The following PPP3R1 variants were observed in gnomAD, a reference collection of about 807,000 sequenced individuals.
PPP3R1 encodes protein phosphatase 3 regulatory subunit B, alpha.
Under a neutral mutation model 22.6 loss-of-function variants are expected in PPP3R1, and 5 were observed. The ratio of observed to expected loss-of-function variants is 0.22; its 90% CI spans 0.12 to 0.46. The LOEUF is 0.46. Ranked by LOEUF, PPP3R1 falls within the 20% of genes least tolerant of loss-of-function variation. PPP3R1 has a pLI of 0.99. For synonymous variants in PPP3R1, 56 were observed against 65.2 expected (o/e 0.86, Z 0.68); for missense variants, 61 against 203.2 (o/e 0.30, Z 4.25).
rs1195194632 is a variant in PPP3R1, at chr2:68,179,716, C to A, written c.*1247G>T. ...TATCACACAAATTTATTAAGTTATC[C>A]ATTACCAATTATATGGGCAAATCAA... On this transcript the variant is annotated 3_prime_UTR_variant, in exon 6 of 6. Transcript: ENST00000234310. The A allele has an allele frequency of 6.6e-6, 1 of 152,018 alleles. No homozygotes were observed. The highest frequency in any genetic ancestry group is 1.5e-5 in the Non-Finnish European group (1 of 68,014). The allele number at this position is 152,018 out of a possible 1,614,324, so 9.4% of individuals were successfully genotyped here. A position where few individuals can be genotyped will look rare whatever the true frequency, so the allele number is the denominator to read the frequency against.
chr2:68,186,045 A>G (rs1207336563), intron 5 of PPP3R1, among the ~76,000 whole-genome samples: 1 of 152,218 alleles, frequency 6.6e-6, no homozygotes, highest in Non-Finnish European at 1.5e-5. Flanking sequence ...GAAAAATTTC[A>G]AAACTTTGTT....
At chr2:68,198,352 CATATAT>C (rs1475340966) in intron 2 of PPP3R1, among the ~76,000 whole-genome samples, 1 of 89,708 alleles carries the variant, frequency 1.1e-5, no homozygotes, top group South Asian at 4.5e-4. Flanking sequence ...CATGTATATG[CATATAT>C]ATGTACATAT....
chr2:68,249,229 A>G (rs1445003925), intron 1 of PPP3R1, among the ~76,000 whole-genome samples: 4 of 152,100 alleles, frequency 2.6e-5, no homozygotes, highest in Admixed American at 2.0e-4. Flanking sequence ...CTCATTCACT[A>G]TGGGACAAAA....
chr2:68,251,994 C>G (rs994397391), intron 1 of PPP3R1, 131 bp downstream of exon 1: 1 of 964,448 alleles, frequency 1.0e-6, no homozygotes, highest in African/African-American at 1.8e-5. Flanking sequence ...GCCGCGGGAC[C>G]CGCCGGGCCC....
At chr2:68,206,164 G>A (rs1174675919) in intron 2 of PPP3R1, among the ~76,000 whole-genome samples, 1 of 152,086 alleles carries the variant, frequency 6.6e-6, no homozygotes, top group African/African-American at 2.4e-5. Context: ...GAAACTTCCA[G>A]GTACATGCAG....
At chr2:68,227,205 TTTC>T (rs1038732714) in intron 1 of PPP3R1, among the ~76,000 whole-genome samples, 1 of 152,002 alleles carries the variant, frequency 6.6e-6, no homozygotes, top group African/African-American at 2.4e-5. Flanking sequence ...TGCCAGAAAA[TTTC>T]TTTATTTTCC....
intron 2 of PPP3R1, among the ~76,000 whole-genome samples, chr2:68,208,104 G>T (rs1339788067): frequency 6.6e-6 from 1 of 152,152 alleles, no homozygotes; most frequent in African/African-American, 2.4e-5. Flanking sequence ...AGTGAGCCGA[G>T]ACCACGCCAT....
At chr2:68,212,657 C>G (rs1461558699) in intron 2 of PPP3R1, among the ~76,000 whole-genome samples, 1 of 152,220 alleles carries the variant, frequency 6.6e-6, no homozygotes, top group African/African-American at 2.4e-5. Flanking sequence ...TAAGTGTCAA[C>G]AGTAGGCTTA....
intron 2 of PPP3R1, among the ~76,000 whole-genome samples, chr2:68,190,940 T>C (rs1674653875): frequency 6.6e-6 from 1 of 152,240 alleles, no homozygotes; most frequent in African/African-American, 2.4e-5. Context: ...AGTTAATTTG[T>C]ACTTGCATTT....
At chr2:68,182,566 A>G (rs189613307) in intron 5 of PPP3R1, among the ~76,000 whole-genome samples, 1 of 151,900 alleles carries the variant, frequency 6.6e-6, no homozygotes, top group East Asian at 1.9e-4. Context: ...CTGTAATCCC[A>G]GCACTTTGGG....
rs200776620 is a variant in PPP3R1, at chr2:68,200,430, A to AT, written c.44-11741dup. Among the ~76,000 whole-genome samples the AT allele has an allele frequency of 8.0e-3, 1,224 of 152,326 alleles. 11 individuals are homozygous for AT. Among genetic ancestry groups the AT allele is most frequent in the African/African-American group, 0.027 (1,140 of 41,568 alleles). On this transcript the variant is annotated intron_variant, in intron 2 of 5. Coordinates refer to ENST00000234310, the MANE Select transcript of PPP3R1 (RefSeq NM_000945.4). ...ATGTCACAAAAGAAGCTGAACATTT[A>AT]TAACAATCCTAAAAATACATTCTTA...
chr2:68,217,039 C>G (rs11126181), intron 2 of PPP3R1, 53 bp downstream of exon 2: 292,774 of 1,079,126 alleles, frequency 0.27, 56,413 homozygotes, highest in African/African-American at 0.38. Flanking sequence ...CACACACACA[C>G]AGAGAGAGAT....
intron 4 of PPP3R1, 128 bp from the exon 5 acceptor site, chr2:68,186,780 A>T (rs959984929): frequency 4.3e-6 from 4 of 920,002 alleles, no homozygotes; most frequent in Admixed American, 2.8e-5. Flanking sequence ...CTTCCTTAAA[A>T]TAGAGTTGTC....
chr2:68,223,582 A>T (rs1669727332), intron 1 of PPP3R1, among the ~76,000 whole-genome samples: 1 of 152,158 alleles, frequency 6.6e-6, no homozygotes, highest in African/African-American at 2.4e-5. Flanking sequence ...ACAGAGGAAA[A>T]AAAAAGAAAA....
intron 1 of PPP3R1, among the ~76,000 whole-genome samples, chr2:68,238,887 T>C (rs1161868734): frequency 3.9e-5 from 6 of 152,162 alleles, no homozygotes; most frequent in Admixed American, 3.3e-4. Context: ...AAAAATAACA[T>C]GGCTTAAGGA....
intron 1 of PPP3R1, among the ~76,000 whole-genome samples, chr2:68,247,035 A>C (rs1194888891): frequency 6.6e-6 from 1 of 150,750 alleles, no homozygotes; most frequent in Non-Finnish European, 1.5e-5. Flanking sequence ...GGCTCACCAC[A>C]ACCTCCACCT....
chr2:68,239,411 G>A (rs1360228213), intron 1 of PPP3R1, among the ~76,000 whole-genome samples: 1 of 152,128 alleles, frequency 6.6e-6, no homozygotes, highest in African/African-American at 2.4e-5. Flanking sequence ...GAGTAAAAAA[G>A]TATGACTGTA....
At chr2:68,198,071 A>AAT (rs1185386189) in intron 2 of PPP3R1, among the ~76,000 whole-genome samples, 1 of 126,498 alleles carries the variant, frequency 7.9e-6, no homozygotes, top group African/African-American at 2.8e-5. Context: ...GCAAAAAAAA[A>AAT]AAAAAAAAAA....
chr2:68,234,851 C>T (rs1265724046), intron 1 of PPP3R1, among the ~76,000 whole-genome samples: 1 of 151,960 alleles, frequency 6.6e-6, no homozygotes, highest in Non-Finnish European at 1.5e-5. Flanking sequence ...AATCTCAAAA[C>T]AAGAAATAAA....
Sources: gnomAD v4.1 joint callset for allele counts (sites outside exome capture counted in the v4.1 genomes callset) on GRCh38, gnomAD v4.1.1 for gene constraint, MANE v1.5 for transcripts, NCBI Gene and HGNC (gene_info 2026-07-23, HGNC 2026-07-21) for gene names.